VAV3: variants seen among roughly 807,000 people sequenced by gnomAD.
VAV3 encodes vav guanine nucleotide exchange factor 3, also known as guanine nucleotide exchange factor VAV3.
Under a neutral mutation model 131.2 loss-of-function variants are expected in VAV3, and 94 were observed. The ratio of observed to expected loss-of-function variants is 0.72; its 90% CI spans 0.61 to 0.85. The LOEUF (loss-of-function observed/expected upper bound fraction) is 0.85, where lower values mean the gene tolerates loss of function less well. Ranked by LOEUF, VAV3 falls within the 40% of genes least tolerant of loss-of-function variation. VAV3 has a pLI of 0.00. For synonymous variants in VAV3, 349 were observed against 342.0 expected (o/e 1.02, Z -0.22); for missense variants, 939 against 1,002.7 (o/e 0.94, Z 0.86).
intron 1 of VAV3, among the ~76,000 whole-genome samples, chr1:107,941,527 C>T (rs1344702794): frequency 6.6e-6 from 1 of 152,092 alleles, no homozygotes; most frequent in Non-Finnish European, 1.5e-5. Context: ...GGGCCTGTGA[C>T]GAGCTACACC....
intron 2 of VAV3, among the ~76,000 whole-genome samples, chr1:107,852,429 G>A (rs982553031): frequency 5.3e-5 from 8 of 152,124 alleles, no homozygotes; most frequent in Admixed American, 3.9e-4. Flanking sequence ...TCTAGCCACT[G>A]AAAAACAAAC....
intron 2 of VAV3, among the ~76,000 whole-genome samples, chr1:107,808,250 G>A (rs1416421582): frequency 1.3e-5 from 2 of 152,078 alleles, no homozygotes; most frequent in Non-Finnish European, 2.9e-5. Flanking sequence ...ATGAACATGG[G>A]CTATTATTGA....
chr1:107,772,670 TTA>T (rs2102191892), intron 5 of VAV3, 63 bp downstream of exon 5: 1 of 1,349,746 alleles, frequency 7.4e-7, no homozygotes, highest in South Asian at 1.3e-5. Context: ...ACATAAATTA[TTA>T]TGTTAATTAG....
chr1:107,774,782 G>A (rs573194187), intron 4 of VAV3, among the ~76,000 whole-genome samples: 9 of 152,128 alleles, frequency 5.9e-5, no homozygotes, highest in Non-Finnish European at 1.2e-4. Flanking sequence ...AAGGGCTTCC[G>A]TTTGGGTGAA....
chr1:107,928,760 A>G (rs1352913296), intron 1 of VAV3, among the ~76,000 whole-genome samples: 1 of 152,216 alleles, frequency 6.6e-6, no homozygotes, highest in African/African-American at 2.4e-5. Flanking sequence ...GAGGATGTAG[A>G]AAACAGCTCG....
At chr1:107,579,124 T>C (rs1190197091) in intron 25 of VAV3, among the ~76,000 whole-genome samples, 2 of 152,198 alleles carry the variant, frequency 1.3e-5, no homozygotes, top group African/African-American at 4.8e-5. Context: ...ATCATTCGCA[T>C]TCCTATCAAG....
chr1:107,645,426 A>G (rs1025074660), intron 19 of VAV3, among the ~76,000 whole-genome samples: 1 of 152,006 alleles, frequency 6.6e-6, no homozygotes, highest in Non-Finnish European at 1.5e-5. Context: ...TACAGAGATC[A>G]AAGGATAAAA....
rs1651517499 is a variant in VAV3, at chr1:107,597,889, T to A, written c.2221-1548A>T. ...CCATGTGCCAGGCCCTTTACATGGC[T>A]CCTTATAACTTTCACTCAAGAACAT... On this transcript the variant is annotated intron_variant, in intron 24 of 26. Coordinates refer to ENST00000370056, the MANE Select transcript of VAV3 (RefSeq NM_006113.5). Among the ~76,000 whole-genome samples, 3 of 152,150 alleles carry A rather than the reference T, an allele frequency of 2.0e-5. No homozygotes were observed. In the South Asian group the frequency reaches 6.2e-4, roughly 31 times the overall value.
At chr1:107,879,308 T>C (rs1425693530) in intron 1 of VAV3, among the ~76,000 whole-genome samples, 2 of 152,160 alleles carry the variant, frequency 1.3e-5, no homozygotes, top group African/African-American at 4.8e-5. Context: ...GAAGAACAAA[T>C]ACCTCCACCA....
chr1:107,649,262 C>T (rs972134495), intron 19 of VAV3, among the ~76,000 whole-genome samples: 3 of 152,052 alleles, frequency 2.0e-5, no homozygotes, highest in African/African-American at 7.2e-5. Context: ...ATTAACTTAA[C>T]TCAAAGACTG....
chr1:107,638,302 A>G (rs1313976072), intron 20 of VAV3, among the ~76,000 whole-genome samples: 1 of 152,218 alleles, frequency 6.6e-6, no homozygotes, highest in Non-Finnish European at 1.5e-5. Flanking sequence ...TGGACTCTAC[A>G]AAAGGAAAGC....
chr1:107,797,600 G>A (rs1490861482), intron 2 of VAV3, among the ~76,000 whole-genome samples: 1 of 152,164 alleles, frequency 6.6e-6, no homozygotes, highest in African/African-American at 2.4e-5. Context: ...AAATTTTAAA[G>A]AATAGTTATT....
At chr1:107,763,998 G>A (rs1664587115) in intron 9 of VAV3, among the ~76,000 whole-genome samples, 1 of 151,114 alleles carries the variant, frequency 6.6e-6, no homozygotes, top group African/African-American at 2.4e-5. Context: ...CAAAATACAT[G>A]GATAATACAG....
At chr1:107,719,851 C>G (rs1661373608) in intron 15 of VAV3, among the ~76,000 whole-genome samples, 1 of 152,186 alleles carries the variant, frequency 6.6e-6, no homozygotes, top group African/African-American at 2.4e-5. Context: ...AAATGTGGCA[C>G]ATATACACCA....
chr1:107,797,484 T>C (rs918189699), intron 2 of VAV3, among the ~76,000 whole-genome samples: 2 of 152,150 alleles, frequency 1.3e-5, no homozygotes, highest in African/African-American at 4.8e-5. Context: ...GCAATCAAAT[T>C]TGAAGAACTA....
At chr1:107,705,809 G>T (rs1385515592) in intron 15 of VAV3, among the ~76,000 whole-genome samples, 1 of 151,978 alleles carries the variant, frequency 6.6e-6, no homozygotes, top group East Asian at 1.9e-4. Context: ...TTACAAATAA[G>T]AAAACTGACA....
intron 2 of VAV3, among the ~76,000 whole-genome samples, chr1:107,809,760 C>A (rs1667231205): frequency 1.3e-5 from 2 of 152,138 alleles, no homozygotes; most frequent in South Asian, 4.1e-4. Context: ...CCTTAGAATA[C>A]CAAATTTTCA....
intron 2 of VAV3, among the ~76,000 whole-genome samples, chr1:107,864,600 G>A (rs886066816): frequency 1.3e-5 from 2 of 152,334 alleles, no homozygotes; most frequent in Admixed American, 1.3e-4. Flanking sequence ...TCCAGCCTAG[G>A]CATGGAGGGT....
chr1:107,865,113 C>T (rs920099256), intron 2 of VAV3, among the ~76,000 whole-genome samples: 1 of 152,156 alleles, frequency 6.6e-6, no homozygotes, highest in African/African-American at 2.4e-5. Flanking sequence ...CTCTGAGAGG[C>T]TGAGCAACTT....
Sources: gnomAD v4.1 joint callset for allele counts (sites outside exome capture counted in the v4.1 genomes callset) on GRCh38, gnomAD v4.1.1 for gene constraint, MANE v1.5 for transcripts, NCBI Gene and HGNC (gene_info 2026-07-23, HGNC 2026-07-21) for gene names.